The following GNB5 variants were observed in gnomAD, a reference collection of about 807,000 sequenced individuals.
GNB5 encodes G protein subunit beta 5.
A neutral mutation model predicts 55.3 loss-of-function variants in GNB5; 37 were observed. That is an observed-to-expected ratio of 0.67 (90% CI 0.51 to 0.88). GNB5 has a LOEUF of 0.88. Ranked by LOEUF, GNB5 falls within the 40% of genes least tolerant of loss-of-function variation. The pLI, the probability that GNB5 is intolerant of heterozygous loss-of-function variation, is 0.00. For missense variants in GNB5, 476 were observed against 515.3 expected (o/e 0.92, Z 0.74); for synonymous variants, 219 against 198.5 (o/e 1.10, Z -0.87).
intron 3 of GNB5, chr15:52,162,763 T>G (rs952254883): frequency 6.6e-6 from 1 of 151,766 alleles, no homozygotes; most frequent in Admixed American, 6.6e-5. Flanking sequence ...CTGATCCGAG[T>G]GCAATGGTGT....
At chr15:52,176,898 C>A (rs1445147303) in intron 3 of GNB5, among the ~76,000 whole-genome samples, 3 of 152,174 alleles carry the variant, frequency 2.0e-5, no homozygotes, top group Non-Finnish European at 4.4e-5. Context: ...CCTGCATGAG[C>A]TCCCAGCATA....
At position 52,117,102 on chromosome 15, in the gene GNB5, A is replaced by ATATATATATATATATATTTTTTTT; in HGVS notation, c.*5654_*5655insAAAAAAAATATATATATATATATA. 4 of 87,098 alleles carry ATATATATATATATATATTTTTTTT rather than the reference A, an allele frequency of 4.6e-5. No individual in the cohort carries two copies. The highest frequency in any genetic ancestry group is 1.8e-4 in the African/African-American group (3 of 16,444). 5.4% of individuals were successfully genotyped at this position (87,098 alleles called of 1,614,324 possible). ...CCACGCCCAGCTAATATATATATAT[A>ATATATATATATATATATTTTTTTT]TTTTTTTTTAGTACAGACAGGGTTT... is the stretch of plus-strand genomic sequence containing the variant. On this transcript the variant is annotated 3_prime_UTR_variant, in exon 13 of 13. Transcript: ENST00000261837.
chr15:52,145,862 T>C (rs1163718807), intron 6 of GNB5, among the ~76,000 whole-genome samples: 4 of 152,002 alleles, frequency 2.6e-5, no homozygotes, highest in African/African-American at 9.7e-5. Context: ...TCTTTCTTCC[T>C]GATTATAAGA....
At position 52,121,748 on chromosome 15, in the gene GNB5, C is replaced by G. The variant is rs1437791922; in HGVS notation, c.*1009G>C. On this transcript the variant is annotated 3_prime_UTR_variant, in exon 13 of 13. Coordinates refer to ENST00000261837, the MANE Select transcript of GNB5 (RefSeq NM_016194.4). ...CTCTCCGAGTAGCTGGGACTACAGG[C>G]GCCCGCCACCACGCCCGGCTAATTT... 2 of 151,986 alleles carry G rather than the reference C, an allele frequency of 1.3e-5. No individual in the cohort carries two copies. Among genetic ancestry groups the G allele is most frequent in the African/African-American group, 2.4e-5 (1 of 41,384 alleles). 9.4% of individuals were successfully genotyped at this position (151,986 alleles called of 1,614,324 possible). A position where few individuals can be genotyped will look rare whatever the true frequency, so the allele number is the denominator to read the frequency against.
rs147281576 is a variant in GNB5 at position 52,151,300 on chromosome 15, G to A, written c.376-1375C>T. ...ATTGCCCACATCAGCGACCACGTTA[G>A]GGGCTTCTTCCACCTCACTGCCTGC... is the stretch of plus-strand genomic sequence containing the variant. On this transcript the variant is annotated intron_variant, in intron 4 of 12. Transcript: ENST00000261837. 1.4e-4 allele frequency among the ~76,000 whole-genome samples: 22 copies of A among 152,300 alleles called. No individual in the cohort carries two copies. In the East Asian group the frequency reaches 4.3e-3, roughly 29 times the overall value.
Position 52,151,486 on chromosome 15 carries a change from A to G in GNB5, c.376-1561T>C, listed in dbSNP as rs144590107. ...CTCTATCCCCAAGCCTTAATCCCAC[A>G]TGGCTGGGGTGACTACTCTCCTGCA... On this transcript the variant is annotated intron_variant, in intron 4 of 12. Coordinates refer to ENST00000261837, the MANE Select transcript of GNB5 (RefSeq NM_016194.4). 7.7e-4 allele frequency among the ~76,000 whole-genome samples: 118 copies of G among 152,288 alleles called. 2 individuals carry two copies. Among genetic ancestry groups the G allele is most frequent in the African/African-American group, 2.6e-3 (109 of 41,574 alleles).
intron 5 of GNB5, 98 bp downstream of exon 5, chr15:52,149,786 G>A (rs1268333176): frequency 1.2e-6 from 1 of 864,014 alleles, no homozygotes; most frequent in African/African-American, 1.6e-5. Context: ...GGGATACATG[G>A]AGAGAAATCA....
chr15:52,143,047 T>C (rs1450694589), intron 6 of GNB5, among the ~76,000 whole-genome samples: 2 of 151,600 alleles, frequency 1.3e-5, no homozygotes, highest in Admixed American at 6.6e-5. Flanking sequence ...CCCAGCTACT[T>C]GGGAGGCTGA....
At chr15:52,126,125 C>T in intron 10 of GNB5, 81 bp from the exon 11 acceptor site, 1 of 700,296 alleles carries the variant, frequency 1.4e-6, no homozygotes, top group South Asian at 1.6e-5. Flanking sequence ...CAGGTAGGTG[C>T]TAGTGACTTG....
intron 6 of GNB5, among the ~76,000 whole-genome samples, chr15:52,145,461 A>G (rs1422899123): frequency 6.7e-6 from 1 of 150,234 alleles, no homozygotes; most frequent in Non-Finnish European, 1.5e-5. Flanking sequence ...CCAACATGGT[A>G]AAACCCCATC....
rs2033367207 is a variant in GNB5 at position 52,124,480 on chromosome 15, G to T, written c.1169C>A (p.Thr390Asn). Residue 390 changes from threonine (T) to asparagine (N), a missense_variant, in exon 12 of 13, where the codon ACC becomes AAC. Thr to Asn is a moderately conservative substitution (Grantham distance 65). Coordinates refer to ENST00000261837, the MANE Select transcript of GNB5 (RefSeq NM_016194.4). ...TAFCSGSWDH[T>N]LRVWA ...GAAAACCATCCCTCTTACTCTGAGGGTATGATCCCATGATCCAGAGCAGAA... is the reference window on the plus strand; with the variant it reads ...GAAAACCATCCCTCTTACTCTGAGGTTATGATCCCATGATCCAGAGCAGAA... 18 of 1,612,964 alleles carry T rather than the reference G, an allele frequency of 1.1e-5. No homozygotes were observed. The highest frequency in any genetic ancestry group is 1.4e-5 in the Non-Finnish European group (16 of 1,179,138).
At chr15:52,173,119 C>G (rs1291050613) in intron 3 of GNB5, among the ~76,000 whole-genome samples, 1 of 152,076 alleles carries the variant, frequency 6.6e-6, no homozygotes, top group South Asian at 2.1e-4. Flanking sequence ...TACTTACATT[C>G]TAGTAAGGGA....
intron 7 of GNB5, chr15:52,140,371 C>T (rs2033824134): frequency 6.5e-6 from 1 of 154,554 alleles, no homozygotes; most frequent in South Asian, 2.0e-4. Flanking sequence ...GCCTGCCTCC[C>T]ACTGTGCTCC....
At chr15:52,180,263 C>T (rs556137433) in intron 2 of GNB5, 1 of 156,560 alleles carries the variant, frequency 6.4e-6, no homozygotes, top group African/African-American at 2.4e-5. Flanking sequence ...CCGGTGAGGC[C>T]CCCGCGACAT....
chr15:52,187,345 C>T (rs1358644033), intron 1 of GNB5, among the ~76,000 whole-genome samples: 1 of 152,024 alleles, frequency 6.6e-6, no homozygotes, highest in Admixed American at 6.6e-5. Context: ...AGCATTTGTG[C>T]TTCCAGAAGT....
In GNB5 at chr15:52,118,147, G is replaced by A. The variant is rs1043267112; in HGVS notation, c.*4610C>T. 1.3e-5 allele frequency: 2 copies of A among 152,384 alleles called. No individual in the cohort carries two copies. The highest frequency in any genetic ancestry group is 4.8e-5 in the African/African-American group (2 of 41,434). The allele number at this position is 152,384 out of a possible 1,614,324, so 9.4% of individuals were successfully genotyped here. A position where few individuals can be genotyped will look rare whatever the true frequency, so the allele number is the denominator to read the frequency against. ...AGCCTCCTCTGAAGGCTTTCCCTAG[G>A]GTGGCTCTCCTCAATCATCCTGTCA... On this transcript the variant is annotated 3_prime_UTR_variant, in exon 13 of 13. Transcript: ENST00000261837.
chr15:52,138,213 A>G (rs1198584315), intron 7 of GNB5, among the ~76,000 whole-genome samples: 2 of 151,642 alleles, frequency 1.3e-5, no homozygotes, highest in African/African-American at 4.8e-5. Context: ...TAAAACTCCA[A>G]CTCTACTAAA....
Position 52,117,114 on chromosome 15 carries a change from T to TTTTTTTTTTTTTTTTTTTTTTTTTTTGG in GNB5, c.*5642_*5643insCCAAAAAAAAAAAAAAAAAAAAAAAAAA, listed in dbSNP as rs1341100858. ...AATATATATATATATTTTTTTTTAG[T>TTTTTTTTTTTTTTTTTTTTTTTTTTTGG]ACAGACAGGGTTTCACCGTGTTAGC... On this transcript the variant is annotated 3_prime_UTR_variant, in exon 13 of 13. Coordinates refer to ENST00000261837, the MANE Select transcript of GNB5 (RefSeq NM_016194.4). The TTTTTTTTTTTTTTTTTTTTTTTTTTTGG allele has an allele frequency of 1.2e-5, 1 of 85,546 alleles. No homozygotes were observed. The highest frequency in any genetic ancestry group is 2.3e-5 in the Non-Finnish European group (1 of 43,238). 5.3% of individuals were successfully genotyped at this position (85,546 alleles called of 1,614,324 possible).
At chr15:52,133,307 G>A in intron 9 of GNB5, 71 bp downstream of exon 9, 1 of 1,054,354 alleles carries the variant, frequency 9.5e-7, no homozygotes, top group South Asian at 1.3e-5. Flanking sequence ...GGCGGTTCCT[G>A]GGCTAAGGAT....
Sources: gnomAD v4.1 joint callset for allele counts (sites outside exome capture counted in the v4.1 genomes callset) on GRCh38, gnomAD v4.1.1 for gene constraint, MANE v1.5 for transcripts, NCBI Gene and HGNC (gene_info 2026-07-23, HGNC 2026-07-21) for gene names.